RAPGEF4: variants seen among roughly 807,000 people sequenced by gnomAD.
RAPGEF4 encodes the protein RAP guanine-nucleotide-exchange factor (GEF) 4.
A neutral mutation model predicts 147.9 loss-of-function variants in RAPGEF4; 66 were observed. The ratio of observed to expected loss-of-function variants is 0.45; its 90% confidence interval spans 0.37 to 0.55. The LOEUF (loss-of-function observed/expected upper bound fraction) is 0.55. Ranked by LOEUF, RAPGEF4 falls within the 20% of genes least tolerant of loss-of-function variation. The pLI is 0.00. For synonymous variants in RAPGEF4, 419 were observed against 442.7 expected, an observed-to-expected ratio of 0.95 and a Z score of 0.67; for missense variants, 1,071 against 1,257.3, an observed-to-expected ratio of 0.85 and a Z score of 2.24.
At chr2:173,003,003 C>G (rs1694084751) in intron 17 of RAPGEF4, among the ~76,000 whole-genome samples, 1 of 152,166 alleles carries the variant, frequency 6.6e-6, no homozygotes, top group South Asian at 2.1e-4. Context: ...TAAAATCCAC[C>G]ATTGAGTTTA....
At chr2:172,864,553 C>CTA (rs1386396208) in intron 4 of RAPGEF4, among the ~76,000 whole-genome samples, 2 of 152,192 alleles carry the variant, frequency 1.3e-5, no homozygotes, top group African/African-American at 4.8e-5. Context: ...ATACCATTGC[C>CTA]TATCATTTCA....
At chr2:172,939,536 C>A (rs886588018) in intron 6 of RAPGEF4, among the ~76,000 whole-genome samples, 1 of 152,070 alleles carries the variant, frequency 6.6e-6, no homozygotes, top group South Asian at 2.1e-4. Context: ...AGATACAAGT[C>A]CTTTATCAGA....
At chr2:172,949,286 A>G (rs1383441614) in intron 6 of RAPGEF4, among the ~76,000 whole-genome samples, 1 of 152,208 alleles carries the variant, frequency 6.6e-6, no homozygotes, top group Non-Finnish European at 1.5e-5. Context: ...TAACAAAGAC[A>G]CAATTTTTTA....
At position 173,048,763 on chromosome 2, in the gene RAPGEF4, A is replaced by G. The variant is rs992185709; in HGVS notation, c.2908+109A>G. ...CCTGGGAAATATCTGACTGTGTCAG[A>G]GACACTTTGGACCATGAATTCCATG... On this transcript the variant is annotated intron_variant, in intron 30 of 30. Coordinates refer to ENST00000397081, the MANE Select transcript of RAPGEF4 (RefSeq NM_007023.4). 4 of 1,549,000 alleles carry G rather than the reference A, an allele frequency of 2.6e-6. No individual in the cohort carries two copies. The Admixed American group carries it at 6.3e-5, about 25-fold the overall frequency.
At chr2:172,751,541 T>A (rs1000531055) in intron 1 of RAPGEF4, among the ~76,000 whole-genome samples, 8 of 151,870 alleles carry the variant, frequency 5.3e-5, no homozygotes, top group African/African-American at 1.9e-4. Context: ...TGTCAGGCAG[T>A]GATAAGAGCA....
chr2:172,792,036 T>G (rs1164374780), intron 1 of RAPGEF4, among the ~76,000 whole-genome samples: 1 of 152,220 alleles, frequency 6.6e-6, no homozygotes, highest in Non-Finnish European at 1.5e-5. Flanking sequence ...GCTCATCTAG[T>G]TCTTATGATT....
chr2:173,033,165 A>C (rs1331997640), intron 26 of RAPGEF4, among the ~76,000 whole-genome samples: 1 of 152,222 alleles, frequency 6.6e-6, no homozygotes, highest in East Asian at 1.9e-4. Flanking sequence ...AATTGATAGA[A>C]CTATCCAATT....
In RAPGEF4 at chr2:172,890,017, A is replaced by G. The variant is rs187625818; in HGVS notation, c.445-27785A>G. The G allele has an allele frequency of 1.3e-3, 241 of 178,964 alleles. 1 individual carries two copies. The highest frequency in any genetic ancestry group is 5.3e-3 in the African/African-American group (222 of 42,012). The allele number at this position is 178,964 out of a possible 1,614,324, so 11.1% of individuals were successfully genotyped here. A position where few individuals can be genotyped will look rare whatever the true frequency, so the allele number is the denominator to read the frequency against. ...TTTACAGTTGTCAAGCTCAAATGCC[A>G]CTTGGGCCAATGCCTGCAGACTGAA... On this transcript the variant is annotated intron_variant, in intron 4 of 30. Coordinates refer to ENST00000397081, the MANE Select transcript of RAPGEF4 (RefSeq NM_007023.4).
chr2:172,988,388 G>T, intron 13 of RAPGEF4, 116 bp downstream of exon 13: 4 of 1,444,788 alleles, frequency 2.8e-6, no homozygotes, highest in Non-Finnish European at 3.6e-6. Flanking sequence ...CCTAGATGTA[G>T]AAAAGACATT....
At chr2:172,964,424 T>TTTTA (rs1553538585) in intron 8 of RAPGEF4, among the ~76,000 whole-genome samples, 1 of 150,318 alleles carries the variant, frequency 6.7e-6, no homozygotes, top group Non-Finnish European at 1.5e-5. Flanking sequence ...TTTTTTTTTT[T>TTTTA]ACGGCAAAGA....
chr2:172,781,346 C>A (rs1208159834), intron 1 of RAPGEF4, among the ~76,000 whole-genome samples: 1 of 152,130 alleles, frequency 6.6e-6, no homozygotes, highest in Admixed American at 6.5e-5. Context: ...AAGGGCCAGG[C>A]ATGGTGGCTC....
chr2:172,883,392 T>A (rs1696836260), intron 4 of RAPGEF4, among the ~76,000 whole-genome samples: 1 of 152,114 alleles, frequency 6.6e-6, no homozygotes, highest in African/African-American at 2.4e-5. Context: ...AATCCATTCA[T>A]GAGGTGGAGC....
intron 11 of RAPGEF4, among the ~76,000 whole-genome samples, chr2:172,984,407 G>C (rs1692013730): frequency 6.6e-6 from 1 of 152,194 alleles, no homozygotes; most frequent in African/African-American, 2.4e-5. Flanking sequence ...TCAGGTCTCT[G>C]TTGAGAGCAG....
chr2:172,936,978 T>C (rs1303430816), intron 6 of RAPGEF4, among the ~76,000 whole-genome samples: 1 of 133,740 alleles, frequency 7.5e-6, no homozygotes, highest in Non-Finnish European at 1.5e-5. Flanking sequence ...GGTAGGAGGA[T>C]CACTTGAGAC....
chr2:172,777,193 G>A (rs1045031400), intron 1 of RAPGEF4, among the ~76,000 whole-genome samples: 6 of 152,194 alleles, frequency 3.9e-5, no homozygotes, highest in African/African-American at 1.2e-4. Flanking sequence ...TCAGCTGAAT[G>A]TCCAGGGTGA....
chr2:172,921,983 C>T (rs1684811657), intron 5 of RAPGEF4, among the ~76,000 whole-genome samples: 1 of 152,162 alleles, frequency 6.6e-6, no homozygotes, highest in Non-Finnish European at 1.5e-5. Context: ...TAGTTGTTTT[C>T]ATGGTGAGAA....
chr2:172,875,969 T>C (rs1439943172), intron 4 of RAPGEF4, among the ~76,000 whole-genome samples: 1 of 152,204 alleles, frequency 6.6e-6, no homozygotes, highest in African/African-American at 2.4e-5. Context: ...ACATCCCTTG[T>C]AAGCTGGATT....
At chr2:172,866,656 T>C (rs1007516228) in intron 4 of RAPGEF4, among the ~76,000 whole-genome samples, 1 of 151,910 alleles carries the variant, frequency 6.6e-6, no homozygotes, top group African/African-American at 2.4e-5. Flanking sequence ...AACTCCAAAC[T>C]CAACTTGGAT....
At chr2:172,801,286 A>G (rs909504127) in intron 3 of RAPGEF4, among the ~76,000 whole-genome samples, 7 of 152,208 alleles carry the variant, frequency 4.6e-5, no homozygotes, top group African/African-American at 1.2e-4. Context: ...TACACAGTCT[A>G]AAAGAAAACT....
Sources: allele counts gnomAD v4.1 joint callset (sites outside exome capture counted in the v4.1 genomes callset), GRCh38; gene constraint gnomAD v4.1.1; transcripts MANE v1.5; gene names NCBI Gene and HGNC (gene_info 2026-07-23, HGNC 2026-07-21).